MMP24: variants seen among roughly 807,000 people sequenced by gnomAD.
MMP24 encodes the protein matrix metallopeptidase 24.
A neutral mutation model predicts 62.8 loss-of-function variants in MMP24; 25 were observed. The observed-to-expected ratio is 0.40, with a 90% CI of 0.29 to 0.56. The LOEUF is 0.56. MMP24 is among the 20% of genes least tolerant of loss of function. The pLI, the probability that MMP24 is intolerant of heterozygous loss-of-function variation, is 0.50. For synonymous variants in MMP24, 319 were observed against 350.5 expected, an observed-to-expected ratio of 0.91 and a Z score of 1.00; for missense variants, 634 against 853.6, an observed-to-expected ratio of 0.74 and a Z score of 3.21.
In MMP24 at chr20:35,226,773, G is replaced by GGCCGCCGCC. The variant is rs577067524; in HGVS notation, c.52_60dup (p.Pro18_Pro20dup). 5.9e-6 allele frequency: 5 copies of GGCCGCCGCC among 845,038 alleles called. No homozygotes were observed. The African/African-American group carries it at 2.5e-4, about 43-fold the overall frequency. The allele number at this position is 845,038 out of a possible 1,614,324, so 52.3% of individuals were successfully genotyped here. ...AGCCGGGGCGGCCGCGCCGCGCCGGGGCCGCCGCCGCCGCCGCCGCCGCCG... is the reference window on the plus strand; with the variant it reads ...AGCCGGGGCGGCCGCGCCGCGCCGGGGCCGCCGCCGCCGCCGCCGCCGCCGCCGCCGCCG... On this transcript the variant is annotated inframe_insertion, in exon 1 of 9. Transcript: ENST00000246186.
At position 35,226,970 on chromosome 20, in the gene MMP24, C is replaced by G. The variant is rs985008967; in HGVS notation, c.232C>G (p.Pro78Ala). 2 of 980,020 alleles carry G rather than the reference C, an allele frequency of 2.0e-6. No individual in the cohort carries two copies. The highest frequency in any genetic ancestry group is 3.5e-5 in the African/African-American group (2 of 56,448). 60.7% of individuals were successfully genotyped at this position (980,020 alleles called of 1,614,324 possible). ...AVARADEAEA[P>A]FAGQNWLKSY... Reference sequence around the variant, plus strand: ...GGCGCGGGCGGACGAGGCGGAGGCGCCCTTCGCCGGGCAGGTGGGGCTGGC... The same window carrying G: ...GGCGCGGGCGGACGAGGCGGAGGCGGCCTTCGCCGGGCAGGTGGGGCTGGC... Residue 78 changes from proline to alanine, a missense_variant, in exon 1 of 9, where the codon CCC (proline) becomes GCC (alanine). By Grantham distance (27) the Pro-to-Ala change is conservative. Around this residue, in one of 3 missense-constraint regions of MMP24, gnomAD observed 212 missense variants for 259.6 expected, o/e 0.82. Transcript: ENST00000246186.
intron 6 of MMP24, among the ~76,000 whole-genome samples, chr20:35,268,871 T>C (rs2425039): frequency 0.93 from 140,488 of 151,634 alleles, 65,017 homozygotes; most frequent in East Asian, 1. Flanking sequence ...ACTAAAAATA[T>C]AAAAAATTAG....
Position 35,251,935 on chromosome 20 carries a change from T to C in MMP24, c.426T>C (p.Pro142=). The change falls in exon 3 of 9, where the codon CCT becomes CCC. Residue 142 remains proline (P), a synonymous_variant. Coordinates refer to ENST00000246186, the MANE Select transcript of MMP24 (RefSeq NM_006690.4). ...TGAAGAAACCCCGATGTGGTGTCCC[T>C]GATCACCCCCACTTAAGCCGTAGGC... ...EWMKKPRCGV[P]DHPHLSRRRR... is the part of the protein sequence containing the mutation. The C allele has an allele frequency of 6.2e-7, 1 of 1,614,012 alleles. No individual in the cohort carries two copies. The highest frequency in any genetic ancestry group is 8.5e-7 in the Non-Finnish European group (1 of 1,179,902).
In MMP24 at chr20:35,274,713, C is replaced by A. The variant is rs1033127815; in HGVS notation, c.*104C>A. ...CAGTGCTCACCAGGGCCAGCAGGGC[C>A]CTAGGCTGGGGTCGTACAGCTGAAG... On this transcript the variant is annotated 3_prime_UTR_variant, in exon 9 of 9. Transcript: ENST00000246186. This position sits in a 1 kb window ranked among gnomAD's most constrained non-coding sequence, Gnocchi z 5.1. 1.9e-6 allele frequency: 2 copies of A among 1,060,152 alleles called. No homozygotes were observed. The highest frequency in any genetic ancestry group is 3.2e-5 in the African/African-American group (2 of 62,428). The allele number at this position is 1,060,152 out of a possible 1,614,324, so 65.7% of individuals were successfully genotyped here.
intron 5 of MMP24, among the ~76,000 whole-genome samples, chr20:35,264,979 GA>G: frequency 6.6e-6 from 1 of 152,184 alleles, no homozygotes; most frequent in Non-Finnish European, 1.5e-5. Flanking sequence ...GACCCAGCCA[GA>G]GCCCTGGAGG....
chr20:35,228,784 G>A (rs1298486856), intron 1 of MMP24, among the ~76,000 whole-genome samples: 3 of 151,898 alleles, frequency 2.0e-5, no homozygotes, highest in Admixed American at 6.6e-5. Context: ...CCTATGACAC[G>A]AGACCCCTAG....
In MMP24 at chr20:35,271,644, G is replaced by A. The variant is rs1390356695; in HGVS notation, c.1409G>A (p.Cys470Tyr). 9.9e-6 allele frequency: 16 copies of A among 1,610,890 alleles called. No homozygotes were observed. The highest frequency in any genetic ancestry group is 1.3e-5 in the Non-Finnish European group (15 of 1,178,664). ...CACAGCCTGGGGGAGCTGGGCAGCTGTTTGCCCCGTGAAGGCATTGACACA... is the reference window on the plus strand; with the variant it reads ...CACAGCCTGGGGGAGCTGGGCAGCTATTTGCCCCGTGAAGGCATTGACACA... Reference protein sequence around the residue: ...YPHSLGELGSCLPREGIDTAL... With the variant: ...YPHSLGELGSYLPREGIDTAL... Residue 470 changes from cysteine to tyrosine, a missense_variant, in exon 8 of 9, where the codon TGT becomes TAT. Transcript: ENST00000246186. The surrounding 1 kb of genome is among the most constrained non-coding windows in gnomAD (Gnocchi z 4.0).
intron 2 of MMP24, among the ~76,000 whole-genome samples, chr20:35,247,363 G>A (rs1489646640): frequency 6.6e-6 from 1 of 152,206 alleles, no homozygotes; most frequent in East Asian, 1.9e-4. Context: ...GAAAACGCTT[G>A]AATGATAATG....
intron 1 of MMP24, among the ~76,000 whole-genome samples, chr20:35,240,112 G>A (rs375328443): frequency 3.2e-4 from 49 of 152,288 alleles, no homozygotes; most frequent in African/African-American, 1.2e-3. Flanking sequence ...GGCACTGCCA[G>A]AGCTCTGCCT....
intron 4 of MMP24, among the ~76,000 whole-genome samples, chr20:35,255,642 T>G (rs541127641): frequency 6.6e-6 from 1 of 152,332 alleles, no homozygotes; most frequent in South Asian, 2.1e-4. Flanking sequence ...ATGCTTAGTA[T>G]GTAGGCAAGT....
chr20:35,252,039 C>T lies in MMP24; in HGVS notation c.512+18C>T. The stretch of plus-strand genomic sequence containing the variant: ...ACCTACAGGTGCTTCGACTCTCCCT[C>T]TTCCTCCCTGCCTTTGGCTCCACCC... On this transcript the variant is annotated intron_variant, in intron 3 of 8. Transcript: ENST00000246186. 1 of 1,580,892 alleles carries T rather than the reference C, an allele frequency of 6.3e-7. No individual in the cohort carries two copies.
chr20:35,261,531 C>T (rs947425811), intron 4 of MMP24, among the ~76,000 whole-genome samples: 2 of 152,158 alleles, frequency 1.3e-5, no homozygotes, highest in Admixed American at 6.5e-5. Flanking sequence ...AGCCCAAGCT[C>T]GTAACCACCG....
chr20:35,238,574 G>GCAGAGGGAGT (rs1267419388), intron 1 of MMP24, among the ~76,000 whole-genome samples: 1 of 152,168 alleles, frequency 6.6e-6, no homozygotes, highest in Non-Finnish European at 1.5e-5. Context: ...AAAAGGGGTT[G>GCAGAGGGAGT]CAGAGGGAGT....
chr20:35,269,985 G>A lies in MMP24; in HGVS notation c.1333+87G>A, dbSNP rs2060659738. On this transcript the variant is annotated intron_variant, in intron 7 of 8. Coordinates refer to ENST00000246186, the MANE Select transcript of MMP24 (RefSeq NM_006690.4). This position sits in a 1 kb window ranked among gnomAD's most constrained non-coding sequence, Gnocchi z 4.6. ...ATCTAAACTGGAAGAGGCGGGGTGG[G>A]AGGCAGATGTCCTCAGAGGGCCCCT... 5 of 1,496,608 alleles carry A rather than the reference G, an allele frequency of 3.3e-6. No homozygotes were observed. Among genetic ancestry groups the A allele is most frequent in the Non-Finnish European group, 4.5e-6 (5 of 1,110,730 alleles). The allele number at this position is 1,496,608 out of a possible 1,614,324, so 92.7% of individuals were successfully genotyped here.
chr20:35,253,868 G>GTTTTTTTTTTT (rs11474068), intron 3 of MMP24, among the ~76,000 whole-genome samples: 5 of 130,084 alleles, frequency 3.8e-5, no homozygotes, highest in Non-Finnish European at 6.5e-5. Flanking sequence ...TTTCCTTTGG[G>GTTTTTTTTTTT]TTTTTTTTTT....
chr20:35,249,717 T>A (rs1248930988), intron 2 of MMP24, among the ~76,000 whole-genome samples: 1 of 151,886 alleles, frequency 6.6e-6, no homozygotes, highest in African/African-American at 2.4e-5. Flanking sequence ...GCCTCCCAAG[T>A]AGCTGGGACT....
chr20:35,227,264 G>T (rs1473872536), intron 1 of MMP24, among the ~76,000 whole-genome samples: 1 of 151,868 alleles, frequency 6.6e-6, no homozygotes, highest in Non-Finnish European at 1.5e-5. Flanking sequence ...TTGGCAGTGG[G>T]GTGTGTGGCC....
At position 35,269,922 on chromosome 20, in the gene MMP24, C is replaced by T; in HGVS notation, c.1333+24C>T. 10 of 1,551,404 alleles carry T rather than the reference C, an allele frequency of 6.4e-6. No individual in the cohort carries two copies. Among genetic ancestry groups the T allele is most frequent in the Non-Finnish European group, 8.7e-6 (10 of 1,146,756 alleles). The stretch of plus-strand genomic sequence containing the variant: ...AGGTAATGTAGACTGTGCTGTGGGA[C>T]AGTTCCCTGCCCAAGGTCTTGGGAC... On this transcript the variant is annotated intron_variant, in intron 7 of 8. Transcript: ENST00000246186. This position sits in a 1 kb window ranked among gnomAD's most constrained non-coding sequence, Gnocchi z 4.6.
At chr20:35,236,115 A>G (rs1328037281) in intron 1 of MMP24, 3 of 152,262 alleles carry the variant, frequency 2.0e-5, no homozygotes, top group Non-Finnish European at 4.4e-5. Context: ...CCAACAGGCA[A>G]TGCTGCGCCA....
Sources: gnomAD v4.1 joint callset for allele counts (sites outside exome capture counted in the v4.1 genomes callset) on GRCh38, gnomAD v4.1.1 for gene constraint, gnomAD v4.1.1 regional missense constraint, Gnocchi (gnomAD v3.1) non-coding constraint, MANE v1.5 for transcripts, NCBI Gene and HGNC (gene_info 2026-07-23, HGNC 2026-07-21) for gene names.